Variants in ASAP1 observed in about 807,000 individuals in gnomAD.
ASAP1 encodes ArfGAP with SH3 domain, ankyrin repeat and PH domain 1.
In ASAP1, 43 loss-of-function variants were observed where a neutral mutation model predicts 145.2. That is an observed-to-expected ratio of 0.30 (90% confidence interval 0.23 to 0.38). ASAP1 has a LOEUF of 0.38. Among genes scored for constraint, ASAP1 ranks in the 10% least tolerant of loss-of-function variants. ASAP1 has a pLI of 1.00. For synonymous variants in ASAP1, 546 were observed against 515.5 expected, an observed-to-expected ratio of 1.06 and a Z score of -0.80; for missense variants, 1,018 against 1,355.3, an observed-to-expected ratio of 0.75 and a Z score of 3.91.
At chr8:130,229,643 A>C (rs539608216) in intron 4 of ASAP1, among the ~76,000 whole-genome samples, 54 of 152,380 alleles carry the variant, frequency 3.5e-4, no homozygotes, top group African/African-American at 1.3e-3. Context: ...AACAAATGGC[A>C]GCTATATTTA....
rs11420981 is a variant in ASAP1, at chr8:130,352,212, GTTTTTT to G, written c.186+5799_186+5804del. On this transcript the variant is annotated intron_variant, in intron 3 of 29. Transcript: ENST00000518721. ...GATTTTAGCTAAATCCTTCCTAAGG[GTTTTTT>G]TTTTTTTTTTTTAAGACTACAATCT... Among the ~76,000 whole-genome samples, 396 of 139,686 alleles carry G rather than the reference GTTTTTT, an allele frequency of 2.8e-3. 11 individuals are homozygous for G. In the East Asian group the frequency reaches 0.055, roughly 19 times the overall value. 91.6% of individuals were successfully genotyped at this position (139,686 alleles called of 152,430 possible).
At chr8:130,066,603 C>T (rs2097431336) in intron 27 of ASAP1, among the ~76,000 whole-genome samples, 2 of 150,518 alleles carry the variant, frequency 1.3e-5, no homozygotes, top group South Asian at 4.2e-4. Context: ...TCTCTCCTTC[C>T]TTCCTTGTTT....
chr8:130,264,659 C>T (rs1300410148), intron 3 of ASAP1, among the ~76,000 whole-genome samples: 2 of 152,070 alleles, frequency 1.3e-5, no homozygotes, highest in African/African-American at 4.8e-5. Context: ...TGTTTCAATT[C>T]ACTTCACTAT....
intron 2 of ASAP1, among the ~76,000 whole-genome samples, chr8:130,362,887 T>C (rs774775913): frequency 1.1e-4 from 17 of 152,176 alleles, no homozygotes; most frequent in Non-Finnish European, 2.1e-4. Flanking sequence ...TCATGCAACA[T>C]AGTCCCTGTA....
intron 25 of ASAP1, among the ~76,000 whole-genome samples, chr8:130,080,698 T>A (rs2097477653): frequency 6.6e-6 from 1 of 151,986 alleles, no homozygotes; most frequent in South Asian, 2.1e-4. Flanking sequence ...AGTGGTGCAA[T>A]CTCAGCTCAC....
intron 27 of ASAP1, among the ~76,000 whole-genome samples, chr8:130,075,448 C>A (rs2097460189): frequency 6.6e-6 from 1 of 152,202 alleles, no homozygotes; most frequent in Non-Finnish European, 1.5e-5. Context: ...GACTTCTGCT[C>A]AAACTAGGCA....
chr8:130,103,632 A>G (rs1185392520), intron 24 of ASAP1, among the ~76,000 whole-genome samples: 1 of 152,052 alleles, frequency 6.6e-6, no homozygotes, highest in East Asian at 1.9e-4. Context: ...CCTCCCGAGT[A>G]GCTGGGATTA....
At chr8:130,214,457 A>C (rs1257035248) in intron 5 of ASAP1, 99 bp downstream of exon 5, 1 of 1,247,834 alleles carries the variant, frequency 8.0e-7, no homozygotes. Context: ...CACCCCTAGG[A>C]CCAAGGATTG....
chr8:130,341,750 C>G (rs748488969), intron 3 of ASAP1, among the ~76,000 whole-genome samples: 14 of 152,060 alleles, frequency 9.2e-5, no homozygotes, highest in Non-Finnish European at 1.8e-4. Context: ...GTTCAGTCAC[C>G]AATGGTTCAC....
chr8:130,131,547 T>C (rs1413573446), intron 15 of ASAP1, among the ~76,000 whole-genome samples: 3 of 136,882 alleles, frequency 2.2e-5, no homozygotes, highest in African/African-American at 8.6e-5. Context: ...GAGGATGGCT[T>C]GAGCTCAGGA....
Position 130,092,147 on chromosome 8 carries a change from G to T in ASAP1, c.2402-4C>A. The T allele has an allele frequency of 6.4e-7, 1 of 1,564,832 alleles. No homozygotes were observed. Among genetic ancestry groups the T allele is most frequent in the Non-Finnish European group, 8.6e-7 (1 of 1,162,500 alleles). On this transcript the variant is annotated splice_polypyrimidine_tract_variant and splice_region_variant and intron_variant, in intron 24 of 29. Transcript: ENST00000518721. ...GTTGAAGGTGGGCCAGTTGGACCTA[G>T]AAAGGAAATTGAATGGGGGCAGGAA...
At chr8:130,133,693 A>C (rs983581589) in intron 15 of ASAP1, among the ~76,000 whole-genome samples, 4 of 151,928 alleles carry the variant, frequency 2.6e-5, no homozygotes, top group African/African-American at 7.2e-5. Context: ...ACAAACAAAA[A>C]AAAAAACAAA....
At chr8:130,413,546 G>A (rs1345619923) in intron 1 of ASAP1, among the ~76,000 whole-genome samples, 1 of 152,210 alleles carries the variant, frequency 6.6e-6, no homozygotes, top group Non-Finnish European at 1.5e-5. Flanking sequence ...AGGAAATAAA[G>A]TATATCTAAG....
chr8:130,101,732 ATTT>A (rs59778799), intron 24 of ASAP1, among the ~76,000 whole-genome samples: 11 of 86,918 alleles, frequency 1.3e-4, no homozygotes, highest in East Asian at 3.6e-4. Flanking sequence ...CACCTGGTTA[ATTT>A]TTTTTTTTTT....
intron 2 of ASAP1, among the ~76,000 whole-genome samples, chr8:130,369,136 G>T (rs990656245): frequency 6.6e-6 from 1 of 152,174 alleles, no homozygotes; most frequent in Non-Finnish European, 1.5e-5. Flanking sequence ...GTTTCAAATC[G>T]TATACAGGTT....
chr8:130,234,159 G>A (rs535620774), intron 4 of ASAP1, among the ~76,000 whole-genome samples: 1 of 152,184 alleles, frequency 6.6e-6, no homozygotes, highest in East Asian at 1.9e-4. Context: ...TTCTCCTACA[G>A]TATCAGTCTA....
intron 4 of ASAP1, among the ~76,000 whole-genome samples, chr8:130,218,163 G>C (rs1332369035): frequency 6.6e-6 from 1 of 151,678 alleles, no homozygotes; most frequent in Non-Finnish European, 1.5e-5. Flanking sequence ...CCTTCTGTCT[G>C]AGGCCAAAGA....
At chr8:130,134,170 C>A in intron 15 of ASAP1, 126 bp downstream of exon 15, 1 of 625,732 alleles carries the variant, frequency 1.6e-6, no homozygotes, top group Non-Finnish European at 2.6e-6. Flanking sequence ...GGCCCACAGG[C>A]GGGAAAGAAG....
chr8:130,115,510 CT>C, intron 23 of ASAP1, 117 bp downstream of exon 23: 1 of 788,068 alleles, frequency 1.3e-6, no homozygotes, highest in African/African-American at 1.7e-5. Flanking sequence ...ATAAATGGCC[CT>C]GATACATTGG....
Sources: gnomAD v4.1 joint callset for allele counts (sites outside exome capture counted in the v4.1 genomes callset) on GRCh38, gnomAD v4.1.1 for gene constraint, MANE v1.5 for transcripts, NCBI Gene and HGNC (gene_info 2026-07-23, HGNC 2026-07-21) for gene names.